The following ZMYM2 variants were observed in gnomAD, a reference collection of about 807,000 sequenced individuals.
ZMYM2 encodes the protein zinc finger MYM-type containing 2.
ZMYM2 carries 56 observed loss-of-function variants against 162.8 expected under a neutral mutation model. The observed-to-expected ratio is 0.34, with a 90% CI of 0.28 to 0.43. ZMYM2 has a LOEUF of 0.43. ZMYM2 is among the 20% of genes least tolerant of loss of function. The pLI, the probability that ZMYM2 is intolerant of heterozygous loss-of-function variation, is 1.00. For missense variants in ZMYM2, 1,275 were observed against 1,621.8 expected, an observed-to-expected ratio of 0.79 and a Z score of 3.67; for synonymous variants, 510 against 541.6, an observed-to-expected ratio of 0.94 and a Z score of 0.81.
At chr13:19,888,862 G>GT in the ZMYM2 span, among the ~76,000 whole-genome samples, 1,859 of 151,982 alleles carry the variant, frequency 0.012, 63 homozygotes, top group African/African-American at 0.041. Context: ...GCCTCCCAAA[G>GT]GCTGGGATTA....
At chr13:19,982,650 C>T (rs569916688) in intron 2 of ZMYM2, among the ~76,000 whole-genome samples, 1 of 152,254 alleles carries the variant, frequency 6.6e-6, no homozygotes, top group South Asian at 2.1e-4. Flanking sequence ...TTCAGTGGTT[C>T]CTGAACCTGT....
chr13:19,959,930 A>G (rs1170283971), intron 1 of ZMYM2, 28 bp from the exon 2 acceptor site: 2 of 152,156 alleles, frequency 1.3e-5, no homozygotes, highest in African/African-American at 4.8e-5. Flanking sequence ...TGTTTTTGAT[A>G]CATTTTTCTT....
the ZMYM2 span, among the ~76,000 whole-genome samples, chr13:19,878,675 CCAT>C: frequency 6.6e-6 from 1 of 151,970 alleles, no homozygotes; most frequent in Non-Finnish European, 1.5e-5. Flanking sequence ...GCACTCACCA[CCAT>C]GCCTGGCTAA....
chr13:20,001,156 C>G (rs542604392), intron 3 of ZMYM2, among the ~76,000 whole-genome samples: 8 of 152,292 alleles, frequency 5.3e-5, no homozygotes, highest in African/African-American at 1.7e-4. Flanking sequence ...CTTTGGGTGA[C>G]TGAGGCAAAT....
the ZMYM2 span, among the ~76,000 whole-genome samples, chr13:19,869,278 T>G: frequency 6.6e-6 from 1 of 152,222 alleles, no homozygotes; most frequent in African/African-American, 2.4e-5. Flanking sequence ...CAAGTTTTAC[T>G]TGTTTCATTT....
the ZMYM2 span, among the ~76,000 whole-genome samples, chr13:19,930,034 G>T: frequency 6.6e-6 from 1 of 152,164 alleles, no homozygotes; most frequent in East Asian, 1.9e-4. Flanking sequence ...TAGGCAGGAG[G>T]ATTGCCTGAG....
intron 12 of ZMYM2, among the ~76,000 whole-genome samples, chr13:20,038,340 A>T (rs901956599): frequency 6.6e-6 from 1 of 152,138 alleles, no homozygotes; most frequent in Non-Finnish European, 1.5e-5. Context: ...TTGGCATCTT[A>T]ATCTTTGCTG....
chr13:19,987,397 G>C (rs1949247256), intron 2 of ZMYM2, among the ~76,000 whole-genome samples: 1 of 151,734 alleles, frequency 6.6e-6, no homozygotes, highest in South Asian at 2.1e-4. Flanking sequence ...CCGAGTAGCT[G>C]GGATTAAAGG....
chr13:19,967,311 A>G (rs1017766495), intron 2 of ZMYM2, among the ~76,000 whole-genome samples: 1 of 152,188 alleles, frequency 6.6e-6, no homozygotes, highest in African/African-American at 2.4e-5. Context: ...CTAGAGATAT[A>G]TGAGGGCCTC....
intron 2 of ZMYM2, among the ~76,000 whole-genome samples, chr13:19,961,039 A>G (rs1222490838): frequency 6.6e-6 from 1 of 152,108 alleles, no homozygotes; most frequent in Non-Finnish European, 1.5e-5. Context: ...ACTTTCCTTT[A>G]ATCTTAGCAA....
chr13:19,901,738 G>A, the ZMYM2 span, among the ~76,000 whole-genome samples: 1 of 152,094 alleles, frequency 6.6e-6, no homozygotes, highest in Admixed American at 6.6e-5. Context: ...GCCTCCCAAA[G>A]TGCTGGGATT....
chr13:20,019,934 T>A (rs1037177644), intron 7 of ZMYM2: 1 of 180,334 alleles, frequency 5.5e-6, no homozygotes, highest in Non-Finnish European at 1.1e-5. Context: ...ATCCTCTCTT[T>A]TGTGCCTACC....
the ZMYM2 span, among the ~76,000 whole-genome samples, chr13:19,919,522 T>C: frequency 1.6e-4 from 24 of 145,504 alleles, no homozygotes; most frequent in Non-Finnish European, 5.9e-5. Flanking sequence ...ATTTTTACCA[T>C]TTTTTTTAGT....
At chr13:20,013,498 G>C (rs1951365394) in intron 6 of ZMYM2, among the ~76,000 whole-genome samples, 1 of 152,180 alleles carries the variant, frequency 6.6e-6, no homozygotes, top group Admixed American at 6.5e-5. Flanking sequence ...GTGAAAGTGG[G>C]CGTCCTTGTT....
chr13:20,022,127 TTGTG>T (rs111364989), intron 7 of ZMYM2, among the ~76,000 whole-genome samples: 1 of 152,184 alleles, frequency 6.6e-6, no homozygotes, highest in Admixed American at 6.5e-5. Context: ...CATTGTTTTT[TTGTG>T]TGTGTGTCTA....
At chr13:19,889,532 T>A in the ZMYM2 span, among the ~76,000 whole-genome samples, 1 of 151,580 alleles carries the variant, frequency 6.6e-6, no homozygotes, top group Non-Finnish European at 1.5e-5. Context: ...GTTGGCCAGG[T>A]TGGTCTCAAA....
At chr13:19,945,951 G>GAAAAA in the ZMYM2 span, among the ~76,000 whole-genome samples, 79 of 89,514 alleles carry the variant, frequency 8.8e-4, no homozygotes, top group African/African-American at 1.3e-3. Flanking sequence ...CTCCGTCTCA[G>GAAAAA]AAAAAAAAAA....
At chr13:19,909,841 T>C in the ZMYM2 span, among the ~76,000 whole-genome samples, 1 of 152,078 alleles carries the variant, frequency 6.6e-6, no homozygotes, top group Non-Finnish European at 1.5e-5. Context: ...TGTTTCTAAT[T>C]TATACAGACA....
intron 19 of ZMYM2, among the ~76,000 whole-genome samples, chr13:20,066,058 A>G (rs1314017937): frequency 1.3e-5 from 2 of 152,216 alleles, no homozygotes; most frequent in African/African-American, 2.4e-5. Context: ...TTTGTTGCAC[A>G]AAGTGATTTA....
Sources: allele counts gnomAD v4.1 joint callset (sites outside exome capture counted in the v4.1 genomes callset), GRCh38; gene constraint gnomAD v4.1.1; transcripts MANE v1.5; gene names NCBI Gene and HGNC (gene_info 2026-07-23, HGNC 2026-07-21).